The following CSMD1 variants were observed in gnomAD, a reference collection of about 807,000 sequenced individuals.
CSMD1 encodes CUB and Sushi multiple domains 1.
Under a neutral mutation model 417.5 loss-of-function variants are expected in CSMD1, and 213 were observed. That is an observed-to-expected ratio of 0.51 (90% CI 0.46 to 0.57). The LOEUF (loss-of-function observed/expected upper bound fraction) is 0.57. CSMD1 is among the 20% of genes least tolerant of loss of function. CSMD1 has a pLI of 0.00. For synonymous variants in CSMD1, 2,862 were observed against 1,736.8 expected, an observed-to-expected ratio of 1.65 and a Z score of -16.11; for missense variants, 6,923 against 4,529.7, an observed-to-expected ratio of 1.53 and a Z score of -15.17.
intron 1 of CSMD1, among the ~76,000 whole-genome samples, chr8:4,754,132 G>A (rs1811518758): frequency 6.6e-6 from 1 of 152,106 alleles, no homozygotes; most frequent in African/African-American, 2.4e-5. Flanking sequence ...ATTCTTGGTG[G>A]TAGCAATAAA....
chr8:4,227,517 C>T (rs958051783), intron 3 of CSMD1, among the ~76,000 whole-genome samples: 5 of 152,066 alleles, frequency 3.3e-5, no homozygotes, highest in African/African-American at 1.2e-4. Flanking sequence ...ATTAAATCCA[C>T]ACATTATAGA....
At chr8:3,528,824 T>C (rs1367995184) in intron 10 of CSMD1, among the ~76,000 whole-genome samples, 2 of 152,188 alleles carry the variant, frequency 1.3e-5, no homozygotes, top group East Asian at 1.9e-4. Flanking sequence ...TGGAAATAGT[T>C]CTCCATTTAA....
At chr8:4,696,500 G>C (rs1013819961) in intron 1 of CSMD1, among the ~76,000 whole-genome samples, 1 of 152,182 alleles carries the variant, frequency 6.6e-6, no homozygotes, top group African/African-American at 2.4e-5. Context: ...GAGATCTGTA[G>C]AGGAAAACAG....
At chr8:4,401,580 C>G (rs1804646462) in intron 3 of CSMD1, among the ~76,000 whole-genome samples, 1 of 152,142 alleles carries the variant, frequency 6.6e-6, no homozygotes, top group Non-Finnish European at 1.5e-5. Flanking sequence ...CTAGACCAAT[C>G]CATCATGTCC....
At chr8:3,518,963 T>C (rs1797392501) in intron 10 of CSMD1, among the ~76,000 whole-genome samples, 1 of 152,230 alleles carries the variant, frequency 6.6e-6, no homozygotes, top group African/African-American at 2.4e-5. Context: ...CACAACAATG[T>C]TATGTAGCAC....
intron 3 of CSMD1, among the ~76,000 whole-genome samples, chr8:4,222,587 G>T (rs1045880650): frequency 6.6e-6 from 1 of 152,172 alleles, no homozygotes; most frequent in Admixed American, 6.5e-5. Context: ...TTAAAAATCT[G>T]ATTGTCCGAA....
intron 1 of CSMD1, among the ~76,000 whole-genome samples, chr8:4,921,307 G>A (rs541178815): frequency 5.9e-4 from 90 of 152,080 alleles, no homozygotes; most frequent in African/African-American, 2.1e-3. Flanking sequence ...TTCACATTTA[G>A]GATATACTCA....
At chr8:4,844,709 A>G (rs762423917) in intron 1 of CSMD1, among the ~76,000 whole-genome samples, 64 of 152,186 alleles carry the variant, frequency 4.2e-4, no homozygotes, top group Non-Finnish European at 7.5e-4. Context: ...ACTCTAAACA[A>G]CTAATTGTAG....
At chr8:4,611,636 T>A (rs1364920514) in intron 2 of CSMD1, among the ~76,000 whole-genome samples, 1 of 152,190 alleles carries the variant, frequency 6.6e-6, no homozygotes, top group Admixed American at 6.5e-5. Context: ...TAAATGTAAG[T>A]CATTTTGTTA....
At chr8:4,471,655 T>G (rs1171443022) in intron 2 of CSMD1, among the ~76,000 whole-genome samples, 1 of 152,056 alleles carries the variant, frequency 6.6e-6, no homozygotes, top group Admixed American at 6.6e-5. Context: ...GAACTGGGAA[T>G]GCTCACCCTG....
intron 5 of CSMD1, among the ~76,000 whole-genome samples, chr8:3,848,882 G>C (rs571401489): frequency 6.6e-6 from 1 of 151,556 alleles, no homozygotes; most frequent in African/African-American, 2.4e-5. Context: ...AAATGCTAAA[G>C]AGTGATATAA....
chr8:3,109,127 T>C (rs1013468249), intron 43 of CSMD1, among the ~76,000 whole-genome samples: 37 of 152,280 alleles, frequency 2.4e-4, no homozygotes, highest in African/African-American at 8.4e-4. Context: ...TAGCTGGGCC[T>C]GGTGGCACGC....
chr8:3,249,031 A>G (rs1453098449), intron 26 of CSMD1, among the ~76,000 whole-genome samples: 3 of 152,142 alleles, frequency 2.0e-5, no homozygotes, highest in African/African-American at 7.2e-5. Flanking sequence ...CTGCTCGTTG[A>G]TAAACCAAGT....
intron 3 of CSMD1, among the ~76,000 whole-genome samples, chr8:4,047,612 T>C (rs1458900803): frequency 1.3e-5 from 2 of 152,180 alleles, no homozygotes; most frequent in African/African-American, 4.8e-5. Context: ...TGGAATATTT[T>C]TCCAGGCACT....
chr8:3,236,068 C>A (rs925892802), intron 26 of CSMD1, among the ~76,000 whole-genome samples: 1 of 151,730 alleles, frequency 6.6e-6, no homozygotes, highest in Non-Finnish European at 1.5e-5. Flanking sequence ...CAGGCGCCTA[C>A]CACCACACCA....
intron 5 of CSMD1, among the ~76,000 whole-genome samples, chr8:3,834,660 G>T (rs531404624): frequency 2.0e-5 from 3 of 152,060 alleles, no homozygotes; most frequent in Non-Finnish European, 2.9e-5. Context: ...CAAACCTGAT[G>T]GTGGTTTAGG....
intron 5 of CSMD1, among the ~76,000 whole-genome samples, chr8:3,887,427 A>T (rs1264450819): frequency 2.6e-5 from 4 of 152,202 alleles, no homozygotes; most frequent in Non-Finnish European, 5.9e-5. Context: ...TGTATGGACA[A>T]ATTATAGACC....
At position 3,900,200 on chromosome 8, in the gene CSMD1, G is replaced by T. The variant is rs13251994; in HGVS notation, c.818+97703C>A. Among the ~76,000 whole-genome samples the T allele has an allele frequency of 2.0e-5, 3 of 150,594 alleles. No homozygotes were observed. In the South Asian group the frequency reaches 6.3e-4, roughly 32 times the overall value. ...AGTGTAGCTGGGTAACAGTGCAGCT[G>T]GGTGACAGTGGAGCTGGGTGACAGT... On this transcript the variant is annotated intron_variant, in intron 5 of 69. Coordinates refer to ENST00000635120, the MANE Select transcript of CSMD1 (RefSeq NM_033225.6).
intron 5 of CSMD1, among the ~76,000 whole-genome samples, chr8:3,871,870 G>C (rs780714817): frequency 9.2e-5 from 14 of 152,120 alleles, no homozygotes; most frequent in Non-Finnish European, 1.6e-4. Flanking sequence ...CCTTCTGAAA[G>C]AAAATAACAG....
Sources: allele counts gnomAD v4.1 joint callset (sites outside exome capture counted in the v4.1 genomes callset), GRCh38; gene constraint gnomAD v4.1.1; transcripts MANE v1.5; gene names NCBI Gene and HGNC (gene_info 2026-07-23, HGNC 2026-07-21).